HYAL4: variants seen among roughly 807,000 people sequenced by gnomAD.
HYAL4 encodes hyaluronidase-4.
HYAL4 carries 37 observed loss-of-function variants against 35.2 expected under a neutral mutation model. The ratio of observed to expected loss-of-function variants is 1.05; its 90% CI spans 0.81 to 1.38. HYAL4 has a LOEUF of 1.38. Among genes scored for constraint, HYAL4 ranks in the 40% most tolerant of loss-of-function variants. HYAL4 has a pLI of 0.00. For missense variants in HYAL4, 572 were observed against 572.4 expected, an observed-to-expected ratio of 1.00 and a Z score of 0.01; for synonymous variants, 198 against 203.2, an observed-to-expected ratio of 0.97 and a Z score of 0.22.
the HYAL4 span, among the ~76,000 whole-genome samples, chr7:123,801,622 C>CT: frequency 6.6e-6 from 1 of 152,084 alleles, no homozygotes; most frequent in South Asian, 2.1e-4. Context: ...GTAAATGTAT[C>CT]TTATTTATTT....
chr7:123,764,376 C>A, the HYAL4 span, among the ~76,000 whole-genome samples: 1 of 152,248 alleles, frequency 6.6e-6, no homozygotes. Context: ...CAACTTGCAT[C>A]TAATCCCCTC....
chr7:123,799,150 C>G, the HYAL4 span, among the ~76,000 whole-genome samples: 1 of 152,150 alleles, frequency 6.6e-6, no homozygotes, highest in South Asian at 2.1e-4. Flanking sequence ...TCATTACAAA[C>G]TCTTTTAGTA....
intron 2 of HYAL4, among the ~76,000 whole-genome samples, chr7:123,865,057 C>T (rs1463591751): frequency 6.8e-6 from 1 of 146,756 alleles, no homozygotes; most frequent in Non-Finnish European, 1.5e-5. Flanking sequence ...TTCCCTGAGA[C>T]ACTGAGAACA....
At chr7:123,867,390 A>G (rs923069576) in intron 2 of HYAL4, among the ~76,000 whole-genome samples, 7 of 152,172 alleles carry the variant, frequency 4.6e-5, no homozygotes, top group African/African-American at 1.4e-4. Flanking sequence ...CAGTTAGGCA[A>G]TCATGATGAG....
intron 3 of HYAL4, among the ~76,000 whole-genome samples, chr7:123,869,811 C>A (rs1336917222): frequency 1.2e-4 from 18 of 151,650 alleles, no homozygotes; most frequent in Admixed American, 1.2e-3. Context: ...CCTCAGCCTC[C>A]CAAGTAGCTG....
At position 123,849,468 on chromosome 7, in the gene HYAL4, T is replaced by C. The variant is rs867618356; in HGVS notation, c.-52+1310T>C. 5.9e-5 allele frequency among the ~76,000 whole-genome samples: 9 copies of C among 152,102 alleles called. No individual in the cohort carries two copies. The South Asian group carries it at 1.0e-3, about 18-fold the overall frequency. ...GGCACCCACCACCACGTCTGGCTAA[T>C]TTTTGTATTTTTTGGTACAGACAGG... is the stretch of plus-strand genomic sequence containing the variant. On this transcript the variant is annotated intron_variant, in intron 2 of 4. Coordinates refer to ENST00000223026, the MANE Select transcript of HYAL4 (RefSeq NM_012269.3).
the HYAL4 span, chr7:123,814,734 C>T: frequency 6.6e-6 from 1 of 152,456 alleles, no homozygotes; most frequent in African/African-American, 2.4e-5. Flanking sequence ...GAAATGAGAC[C>T]AAAATGTTTA....
At chr7:123,821,827 G>A in the HYAL4 span, among the ~76,000 whole-genome samples, 1 of 152,082 alleles carries the variant, frequency 6.6e-6, no homozygotes, top group Admixed American at 6.6e-5. Context: ...TTTTGTGTGT[G>A]GTATAAGATA....
chr7:123,795,121 G>A, the HYAL4 span, among the ~76,000 whole-genome samples: 1 of 152,194 alleles, frequency 6.6e-6, no homozygotes, highest in Non-Finnish European at 1.5e-5. Context: ...CTGGATATTG[G>A]ACTTGCATGC....
At chr7:123,866,391 T>C (rs1409196424) in intron 2 of HYAL4, among the ~76,000 whole-genome samples, 3 of 152,334 alleles carry the variant, frequency 2.0e-5, no homozygotes, top group African/African-American at 7.2e-5. Context: ...ATGCATCTAA[T>C]TGGACTGACG....
the HYAL4 span, among the ~76,000 whole-genome samples, chr7:123,813,501 A>AAG: frequency 0.13 from 19,719 of 152,214 alleles, 1,340 homozygotes; most frequent in Non-Finnish European, 0.14. Context: ...TTATATGCCT[A>AAG]AGAAGATGAT....
At chr7:123,841,628 T>C, upstream of HYAL4, among the ~76,000 whole-genome samples, 1 of 152,030 alleles carries the variant, frequency 6.6e-6, no homozygotes, top group South Asian at 2.1e-4. Context: ...GTCCTGGACT[T>C]TTTTTTGGTT....
upstream of HYAL4, among the ~76,000 whole-genome samples, chr7:123,840,202 T>C (rs1186270920): frequency 1.3e-5 from 2 of 152,228 alleles, no homozygotes; most frequent in African/African-American, 4.8e-5. Flanking sequence ...GCTTTCTACA[T>C]ATGGCTAGCC....
In HYAL4 at chr7:123,867,674, T is replaced by C. The variant is rs116082060; in HGVS notation, c.-51-549T>C. ...CCTACCTACTGCTTACTCCAAGAAG[T>C]AATTGCTCCAATAAATTATCATGTA... On this transcript the variant is annotated intron_variant, in intron 2 of 4. Transcript: ENST00000223026. Among the ~76,000 whole-genome samples the C allele has an allele frequency of 4.1e-3, 624 of 152,324 alleles. 5 individuals are homozygous for C. Among genetic ancestry groups the C allele is most frequent in the African/African-American group, 0.014 (594 of 41,574 alleles).
At chr7:123,838,527 C>T (rs1285166238) in intron 1 of HYAL4, among the ~76,000 whole-genome samples, 1 of 151,374 alleles carries the variant, frequency 6.6e-6, no homozygotes, top group East Asian at 1.9e-4. Flanking sequence ...TTTGCATTGG[C>T]TTTTTATAAT....
intron 1 of HYAL4, among the ~76,000 whole-genome samples, chr7:123,840,035 T>C (rs972889436): frequency 6.6e-6 from 1 of 152,254 alleles, no homozygotes; most frequent in Admixed American, 6.5e-5. Context: ...CCATTGCTTT[T>C]GGTGTTTTAG....
upstream of HYAL4, among the ~76,000 whole-genome samples, chr7:123,844,717 C>T (rs1316350905): frequency 6.6e-6 from 1 of 152,134 alleles, no homozygotes; most frequent in Non-Finnish European, 1.5e-5. Flanking sequence ...GCTTTGTTTA[C>T]CTACTCAAGC....
At chr7:123,844,011 G>A (rs1254760866), upstream of HYAL4, among the ~76,000 whole-genome samples, 6 of 152,096 alleles carry the variant, frequency 3.9e-5, no homozygotes, top group East Asian at 1.2e-3. Flanking sequence ...ACTCATCAAA[G>A]TTATTCTCCA....
At chr7:123,800,791 G>T in the HYAL4 span, among the ~76,000 whole-genome samples, 2 of 151,788 alleles carry the variant, frequency 1.3e-5, no homozygotes, top group East Asian at 3.9e-4. Context: ...TGAGTAGCTG[G>T]GATTACAGGC....
Sources: allele counts gnomAD v4.1 joint callset (sites outside exome capture counted in the v4.1 genomes callset), GRCh38; gene constraint gnomAD v4.1.1; transcripts MANE v1.5; gene names NCBI Gene and HGNC (gene_info 2026-07-23, HGNC 2026-07-21).